Variants in DPY19L4 observed in about 807,000 individuals in gnomAD.
The protein encoded by DPY19L4 is dpy-19 like 4, also known as probable C-mannosyltransferase DPY19L4.
A neutral mutation model predicts 102.8 loss-of-function variants in DPY19L4; 97 were observed. The observed-to-expected ratio is 0.94, with a 90% confidence interval of 0.80 to 1.12. DPY19L4 has a LOEUF of 1.12. Ranked by LOEUF, DPY19L4 falls within the 50% of genes most tolerant of loss-of-function variation. DPY19L4 has a pLI of 0.00. For missense variants in DPY19L4, 815 were observed against 850.4 expected (o/e 0.96, Z 0.52); for synonymous variants, 252 against 283.1 (o/e 0.89, Z 1.10).
At position 94,770,591 on chromosome 8, in the gene DPY19L4, T is replaced by A. The variant is rs1812884173; in HGVS notation, c.1454+20T>A. ...AGAAGGGTAAGTGTACTTTATTTGA[T>A]CCCTTTGTTTTAACAAAGATTGTTG... On this transcript the variant is annotated intron_variant, in intron 13 of 18. Transcript: ENST00000414645. 1.2e-6 allele frequency: 2 copies of A among 1,612,234 alleles called. No individual in the cohort carries two copies. Among genetic ancestry groups the A allele is most frequent in the Non-Finnish European group, 1.7e-6 (2 of 1,179,318 alleles).
intron 17 of DPY19L4, 126 bp from the exon 18 acceptor site, chr8:94,787,768 T>C (rs1813714953): frequency 6.9e-6 from 2 of 287,996 alleles, no homozygotes; most frequent in South Asian, 1.5e-4. Flanking sequence ...ATATTTTTCA[T>C]ATATAATCGT....
chr8:94,746,807 G>A (rs780230789), intron 6 of DPY19L4, among the ~76,000 whole-genome samples: 5 of 152,022 alleles, frequency 3.3e-5, no homozygotes, highest in African/African-American at 1.2e-4. Flanking sequence ...ATATTTTACC[G>A]AAACCAAATT....
rs771724579 is a variant in DPY19L4 at position 94,734,650 on chromosome 8, G to A, written c.148G>A (p.Ala50Thr). The A allele has an allele frequency of 1.9e-6, 3 of 1,613,574 alleles. No homozygotes were observed. The highest frequency in any genetic ancestry group is 1.6e-4 in the Middle Eastern group (1 of 6,076). Residue 50 changes from alanine (A) to threonine (T), a missense_variant, in exon 3 of 19, where the codon GCA becomes ACA. By Grantham distance (58) the Ala-to-Thr change is moderately conservative. Coordinates refer to ENST00000414645, the MANE Select transcript of DPY19L4 (RefSeq NM_181787.3). ...TTCAGATGTATTATTTCAACGCTTT[G>A]CAAAGATTTTCATTGGCTGTCTTGC... is the stretch of plus-strand genomic sequence containing the variant. ...APKHVLFQRF[A>T]KIFIGCLAAV...
chr8:94,756,133 A>G lies in DPY19L4; in HGVS notation c.709A>G (p.Lys237Glu). Residue 237 changes from lysine (K) to glutamate (E), a missense_variant, in exon 7 of 19, where the codon AAA (lysine) becomes GAA (glutamate). Lys to Glu is a moderately conservative substitution (Grantham distance 56). Coordinates refer to ENST00000414645, the MANE Select transcript of DPY19L4 (RefSeq NM_181787.3). ...AATTGCTGCACTTACAGGCTATTTA[A>G]AAAGCAACTTAAATACTTATGGAGA... Reference protein sequence around the residue: ...CQIAALTGYLKSNLNTYGERF... With the variant: ...CQIAALTGYLESNLNTYGERF... The G allele has an allele frequency of 6.2e-7, 1 of 1,613,826 alleles. No homozygotes were observed. The highest frequency in any genetic ancestry group is 8.5e-7 in the Non-Finnish European group (1 of 1,179,896).
intron 7 of DPY19L4, among the ~76,000 whole-genome samples, chr8:94,759,262 A>G (rs1423202806): frequency 2.6e-5 from 4 of 152,116 alleles, no homozygotes; most frequent in Non-Finnish European, 4.4e-5. Flanking sequence ...TTGTCCTATC[A>G]GAGCGCCCTT....
chr8:94,731,728 G>A (rs1042512226), intron 2 of DPY19L4, among the ~76,000 whole-genome samples: 3 of 152,016 alleles, frequency 2.0e-5, no homozygotes, highest in Non-Finnish European at 4.4e-5. Flanking sequence ...GCTAATATCG[G>A]ATTTATTGCA....
At chr8:94,731,872 A>G (rs1810972646) in intron 2 of DPY19L4, among the ~76,000 whole-genome samples, 1 of 151,994 alleles carries the variant, frequency 6.6e-6, no homozygotes, top group African/African-American at 2.4e-5. Flanking sequence ...GGTTCACGCC[A>G]TTCTCCCGCC....
intron 17 of DPY19L4, among the ~76,000 whole-genome samples, chr8:94,786,592 G>A (rs905529054): frequency 2.0e-5 from 3 of 152,012 alleles, no homozygotes; most frequent in African/African-American, 7.3e-5. Context: ...ATTTCGTAAA[G>A]GCTGGAGTGC....
intron 13 of DPY19L4, among the ~76,000 whole-genome samples, chr8:94,773,055 T>C (rs1812998495): frequency 6.6e-6 from 1 of 151,542 alleles, no homozygotes; most frequent in African/African-American, 2.4e-5. Flanking sequence ...TTATTAAAAA[T>C]ACAAAAAAAT....
At chr8:94,767,347 G>A (rs1000650011) in intron 11 of DPY19L4, among the ~76,000 whole-genome samples, 3 of 147,348 alleles carry the variant, frequency 2.0e-5, no homozygotes, top group Non-Finnish European at 3.0e-5. Context: ...AGGCTGGAGT[G>A]CAGTGGCACG....
chr8:94,773,753 A>G (rs1813038707), intron 13 of DPY19L4, among the ~76,000 whole-genome samples: 1 of 151,386 alleles, frequency 6.6e-6, no homozygotes, highest in African/African-American at 2.4e-5. Flanking sequence ...TTTGAGAGAC[A>G]GGCTGGGTGT....
intron 14 of DPY19L4, among the ~76,000 whole-genome samples, chr8:94,778,077 A>C (rs1193921242): frequency 6.6e-6 from 1 of 151,302 alleles, no homozygotes; most frequent in Non-Finnish European, 1.5e-5. Context: ...CTTAAAATAC[A>C]AAAAAAAATT....
chr8:94,788,037 C>T lies in DPY19L4; in HGVS notation c.1992C>T (p.Asp664=). The stretch of plus-strand genomic sequence containing the variant: ...GCTGTAGGGTTAAAGATTTATTAGA[C>T]ATTGCAAATGGCCACGTAAGTAACC... ...MRGCRVKDLL[D]IANGHMVCEE... Residue 664 remains aspartate (D), a synonymous_variant, in exon 18 of 19, where the codon GAC becomes GAT. Coordinates refer to ENST00000414645, the MANE Select transcript of DPY19L4 (RefSeq NM_181787.3). 2.7e-6 allele frequency: 4 copies of T among 1,463,344 alleles called. No homozygotes were observed. Among genetic ancestry groups the T allele is most frequent in the Non-Finnish European group, 1.8e-6 (2 of 1,107,500 alleles). 90.6% of individuals were successfully genotyped at this position (1,463,344 alleles called of 1,614,324 possible).
Position 94,720,032 on chromosome 8 carries a change from C to G in DPY19L4, c.16+18C>G, listed in dbSNP as rs1217039564. ...GGAAGAAGGTGATTGCCGCGGGGTC[C>G]AGCGCGCCAACGGCTGCCAGTGGTC... is the stretch of plus-strand genomic sequence containing the variant. On this transcript the variant is annotated intron_variant, in intron 1 of 18. Transcript: ENST00000414645. The G allele has an allele frequency of 4.6e-6, 7 of 1,526,512 alleles. No homozygotes were observed. The highest frequency in any genetic ancestry group is 5.3e-6 in the Non-Finnish European group (6 of 1,137,900). 94.6% of individuals were successfully genotyped at this position (1,526,512 alleles called of 1,614,324 possible).
intron 11 of DPY19L4, 93 bp downstream of exon 11, chr8:94,766,778 C>A: frequency 2.5e-6 from 3 of 1,178,716 alleles, no homozygotes; most frequent in Non-Finnish European, 3.6e-6. Flanking sequence ...TGGCTCACAT[C>A]TGTAATCCCA....
chr8:94,764,645 A>ATATG lies in DPY19L4; in HGVS notation c.871-521_871-518dup, dbSNP rs1240950340. ...TATTTTATACATATATATTATATATATATGTATGTATGTATGTATGCGTGT... is the reference window on the plus strand; with the variant it reads ...TATTTTATACATATATATTATATATATATGTATGTATGTATGTATGTATGCGTGT... On this transcript the variant is annotated intron_variant, in intron 8 of 18. Coordinates refer to ENST00000414645, the MANE Select transcript of DPY19L4 (RefSeq NM_181787.3). 8.9e-5 allele frequency among the ~76,000 whole-genome samples: 12 copies of ATATG among 134,564 alleles called. No homozygotes were observed. The East Asian group carries it at 1.3e-3, about 14-fold the overall frequency. 88.3% of individuals were successfully genotyped at this position (134,564 alleles called of 152,430 possible).
In DPY19L4 at chr8:94,739,724, C is replaced by G. The variant is rs1469554200; in HGVS notation, c.545C>G (p.Thr182Arg). Reference sequence around the variant, plus strand: ...ATATATGTTACTGCTTTATTTGTTACAAGTTGGCTTATGAGTGGAACATGG... The same window carrying G: ...ATATATGTTACTGCTTTATTTGTTAGAAGTTGGCTTATGAGTGGAACATGG... ...QGIYVTALFV[T>R]SWLMSGTWLA... The change falls in exon 6 of 19, where the codon ACA becomes AGA. Residue 182 changes from threonine to arginine, a missense_variant. Thr to Arg is a moderately conservative substitution (Grantham distance 71). Transcript: ENST00000414645. 6.2e-7 allele frequency: 1 copy of G among 1,613,504 alleles called. No individual in the cohort carries two copies. Among genetic ancestry groups the G allele is most frequent in the Non-Finnish European group, 8.5e-7 (1 of 1,180,024 alleles).
intron 6 of DPY19L4, among the ~76,000 whole-genome samples, chr8:94,750,815 C>T (rs1811886079): frequency 1.3e-5 from 2 of 150,456 alleles, no homozygotes; most frequent in African/African-American, 4.9e-5. Context: ...CAGGATCTCA[C>T]TCTGTCACCC....
At chr8:94,740,923 A>G (rs1194024361) in intron 6 of DPY19L4, among the ~76,000 whole-genome samples, 1 of 152,190 alleles carries the variant, frequency 6.6e-6, no homozygotes, top group Admixed American at 6.5e-5. Context: ...CCAGGACTCC[A>G]TAGTGCATCT....
Sources: allele counts gnomAD v4.1 joint callset (sites outside exome capture counted in the v4.1 genomes callset), GRCh38; gene constraint gnomAD v4.1.1; transcripts MANE v1.5; gene names NCBI Gene and HGNC (gene_info 2026-07-23, HGNC 2026-07-21).